Variants in ANKRD27 observed in about 807,000 individuals in gnomAD.
ANKRD27 encodes the protein ankyrin repeat domain 27.
ANKRD27 carries 112 observed loss-of-function variants against 129.7 expected under a neutral mutation model. The observed-to-expected ratio is 0.86, with a 90% CI of 0.74 to 1.01. The LOEUF (loss-of-function observed/expected upper bound fraction) is 1.01. ANKRD27 is among the 50% of genes least tolerant of loss of function. The pLI, the probability that ANKRD27 is intolerant of heterozygous loss-of-function variation, is 0.00. For missense variants in ANKRD27, 1,258 were observed against 1,300.5 expected (o/e 0.97, Z 0.50); for synonymous variants, 516 against 511.2 (o/e 1.01, Z -0.13).
rs774373960 is a variant in ANKRD27 at position 32,605,878 on chromosome 19, G to A, written c.2450C>T (p.Ala817Val). 1 of 1,614,088 alleles carries A rather than the reference G, an allele frequency of 6.2e-7. No homozygotes were observed. The highest frequency in any genetic ancestry group is 1.7e-5 in the Admixed American group (1 of 60,006). The part of the protein sequence containing the change: ...DLSGNTPLIY[A>V]CSGGHHELVA... ...AAGCTCGTGATGGCCACCGGAGCAG[G>A]CGTAAATGAGGGGCGTGTTTCCACT... Residue 817 changes from alanine (A) to valine (V), a missense_variant, in exon 24 of 29, where the codon GCC becomes GTC. Ala to Val is a moderately conservative substitution (Grantham distance 64). Transcript: ENST00000306065.
chr19:32,608,433 G>A (rs762788073), intron 22 of ANKRD27: 8 of 343,978 alleles, frequency 2.3e-5, no homozygotes, highest in African/African-American at 8.7e-5. Flanking sequence ...TTAAACCACC[G>A]CTATAAGAAA....
intron 1 of ANKRD27, among the ~76,000 whole-genome samples, chr19:32,666,667 C>CA (rs1967764041): frequency 8.5e-6 from 1 of 117,708 alleles, no homozygotes; most frequent in Non-Finnish European, 1.6e-5. Flanking sequence ...TTTTTTGAGA[C>CA]AGAGTCTCAC....
In ANKRD27 at chr19:32,646,489, C is replaced by G; in HGVS notation, c.340G>C (p.Ala114Pro). Reference protein sequence around the residue: ...KEESFSILCIAHPLEKRESSE... With the variant: ...KEESFSILCIPHPLEKRESSE... ...CTCTCTCTCTTTTCCAAAGGATGGG[C>G]TATACACAGGATGCTGAAACTCTCT... The change falls in exon 4 of 29, where the codon GCC (alanine) becomes CCC (proline). Residue 114 changes from alanine to proline, a missense_variant. Ala to Pro is a conservative substitution (Grantham distance 27). Coordinates refer to ENST00000306065, the MANE Select transcript of ANKRD27 (RefSeq NM_032139.3). 6.2e-7 allele frequency: 1 copy of G among 1,614,066 alleles called. No homozygotes were observed. Among genetic ancestry groups the G allele is most frequent in the Non-Finnish European group, 8.5e-7 (1 of 1,179,958 alleles).
chr19:32,624,097 T>C, intron 17 of ANKRD27, among the ~76,000 whole-genome samples: 1 of 152,050 alleles, frequency 6.6e-6, no homozygotes, highest in Non-Finnish European at 1.5e-5. Context: ...CCAGGCACGG[T>C]GGCTCACGCC....
chr19:32,626,904 C>G, intron 15 of ANKRD27, 77 bp from the exon 16 acceptor site: 1 of 930,108 alleles, frequency 1.1e-6, no homozygotes, highest in Non-Finnish European at 1.7e-6. Flanking sequence ...AACCACAACA[C>G]TATTGCACCC....
At position 32,631,654 on chromosome 19, in the gene ANKRD27, G is replaced by A. The variant is rs73030672; in HGVS notation, c.1117-160C>T. Among the ~76,000 whole-genome samples the A allele has an allele frequency of 7.5e-4, 114 of 152,332 alleles. 1 individual carries two copies. The highest frequency in any genetic ancestry group is 1.5e-3 in the Non-Finnish European group (99 of 68,030). ...TCACTGAGACGGAGGACGGGCTGAC[G>A]TCAGGTGGGGAGAAGGCTTCCTGGA... On this transcript the variant is annotated intron_variant, in intron 12 of 28. Transcript: ENST00000306065.
intron 21 of ANKRD27, among the ~76,000 whole-genome samples, chr19:32,616,451 G>T (rs1315767421): frequency 1.3e-5 from 2 of 151,382 alleles, no homozygotes; most frequent in Non-Finnish European, 2.9e-5. Context: ...TTCTCAGGAG[G>T]CTGAAGCAGG....
intron 15 of ANKRD27, 130 bp downstream of exon 15, chr19:32,627,953 G>A: frequency 1.3e-6 from 1 of 790,230 alleles, no homozygotes; most frequent in Non-Finnish European, 2.1e-6. Context: ...GGCCCTTGGA[G>A]GGTGGACCCA....
At chr19:32,661,216 AT>A (rs1967637705) in intron 1 of ANKRD27, among the ~76,000 whole-genome samples, 3 of 99,208 alleles carry the variant, frequency 3.0e-5, no homozygotes, top group Non-Finnish European at 7.0e-5. Flanking sequence ...AAAAAAAAAA[AT>A]TATACACACA....
rs1967171528 is a variant in ANKRD27, at chr19:32,640,247, G to A, written c.983+60C>T. On this transcript the variant is annotated intron_variant, in intron 11 of 28. Coordinates refer to ENST00000306065, the MANE Select transcript of ANKRD27 (RefSeq NM_032139.3). ...CAAAGTGCTGGGATTACAGGCGTGA[G>A]CCACCGTGCCCGGCCAAGCACTGCC... 8 of 1,418,648 alleles carry A rather than the reference G, an allele frequency of 5.6e-6. No homozygotes were observed. In the East Asian group the frequency reaches 1.4e-4, roughly 25 times the overall value. The allele number at this position is 1,418,648 out of a possible 1,614,324, so 87.9% of individuals were successfully genotyped here.
At chr19:32,600,162 CTG>C in intron 26 of ANKRD27, 112 bp from the exon 27 acceptor site, 9 of 789,140 alleles carry the variant, frequency 1.1e-5, no homozygotes, top group Non-Finnish European at 1.8e-5. Context: ...AATTTAGAAA[CTG>C]AAGCACTGAA....
rs781197504 is a variant in ANKRD27, at chr19:32,631,495, C to T, written c.1117-1G>A. 8.7e-6 allele frequency: 14 copies of T among 1,613,406 alleles called. No individual in the cohort carries two copies. Among genetic ancestry groups the T allele is most frequent in the Non-Finnish European group, 1.0e-5 (12 of 1,179,644 alleles). Reference sequence around the variant, plus strand: ...GCCTGTCTCCAAATCCCTCAGACTCCTGCAGGGAAAAAACCAAACACACCA... The same window carrying T: ...GCCTGTCTCCAAATCCCTCAGACTCTTGCAGGGAAAAAACCAAACACACCA... On this transcript the variant is annotated splice_acceptor_variant, in intron 12 of 28. Coordinates refer to ENST00000306065, the MANE Select transcript of ANKRD27 (RefSeq NM_032139.3). LOFTEE classifies it high-confidence loss of function.
At chr19:32,609,905 G>A (rs1971808809) in intron 22 of ANKRD27, among the ~76,000 whole-genome samples, 1 of 152,082 alleles carries the variant, frequency 6.6e-6, no homozygotes, top group South Asian at 2.1e-4. Context: ...ACCGGGTGTG[G>A]TGGCTCACGC....
At chr19:32,639,313 A>G in intron 12 of ANKRD27, 43 bp downstream of exon 12, 1 of 1,612,696 alleles carries the variant, frequency 6.2e-7, no homozygotes, top group Non-Finnish European at 8.5e-7. Context: ...CAAGGGAACC[A>G]TGATGCCCAC....
chr19:32,645,597 C>A (rs1050828894), intron 4 of ANKRD27, among the ~76,000 whole-genome samples: 1 of 151,586 alleles, frequency 6.6e-6, no homozygotes, highest in Non-Finnish European at 1.5e-5. Context: ...CACCACCATG[C>A]CCGGCTAATT....
chr19:32,639,538 T>C (rs1967156152), intron 11 of ANKRD27, 50 bp from the exon 12 acceptor site: 1 of 1,580,678 alleles, frequency 6.3e-7, no homozygotes, highest in Non-Finnish European at 8.6e-7. Context: ...AAGTCACACT[T>C]CTGCAAAAAA....
chr19:32,608,889 G>A (rs369158653), intron 22 of ANKRD27, among the ~76,000 whole-genome samples: 1 of 152,084 alleles, frequency 6.6e-6, no homozygotes, highest in Admixed American at 6.5e-5. Context: ...CCCAGGAGGC[G>A]AAGGTTGCAG....
Position 32,625,148 on chromosome 19 carries a change from C to T in ANKRD27, c.1629+726G>A, listed in dbSNP as rs142634221. Among the ~76,000 whole-genome samples, 2,591 of 149,856 alleles carry T rather than the reference C, an allele frequency of 0.017. 141 individuals carry two copies. The East Asian group carries it at 0.22, about 13-fold the overall frequency. Reference sequence around the variant, plus strand: ...GCACACACCTGTAATCCCAGCTACTCGGGAGGCTGAGGTGGGAGAATCGCT... The same window carrying T: ...GCACACACCTGTAATCCCAGCTACTTGGGAGGCTGAGGTGGGAGAATCGCT... On this transcript the variant is annotated intron_variant, in intron 17 of 28. Coordinates refer to ENST00000306065, the MANE Select transcript of ANKRD27 (RefSeq NM_032139.3).
rs190199159 is a variant in ANKRD27 at position 32,672,683 on chromosome 19, G to A, written c.-31+2388C>T. The A allele has an allele frequency of 3.0e-4, 46 of 152,538 alleles. No homozygotes were observed. In the East Asian group the frequency reaches 8.3e-3, roughly 27 times the overall value. The allele number at this position is 152,538 out of a possible 1,614,324, so 9.4% of individuals were successfully genotyped here. Reference sequence around the variant, plus strand: ...GAGAAGCCAGGACTGGAACCAGGGCGGGACCATGCAGGGAGCGGGAAAGTT... The same window carrying A: ...GAGAAGCCAGGACTGGAACCAGGGCAGGACCATGCAGGGAGCGGGAAAGTT... On this transcript the variant is annotated intron_variant, in intron 1 of 28. Transcript: ENST00000306065.
Sources: gnomAD v4.1 joint callset for allele counts (sites outside exome capture counted in the v4.1 genomes callset) on GRCh38, gnomAD v4.1.1 for gene constraint, MANE v1.5 for transcripts, NCBI Gene and HGNC (gene_info 2026-07-23, HGNC 2026-07-21) for gene names.